Variants in SEM1 observed in about 807,000 individuals in gnomAD.
SEM1 encodes the protein 26S proteasome complex subunit SEM1.
Under a neutral mutation model 12.7 loss-of-function variants are expected in SEM1, and 3 were observed. That is an observed-to-expected ratio of 0.24 (90% CI 0.11 to 0.61). The LOEUF (loss-of-function observed/expected upper bound fraction) is 0.61. SEM1 is among the 20% of genes least tolerant of loss of function. SEM1 has a pLI of 0.88. For synonymous variants in SEM1, 30 were observed against 27.8 expected (o/e 1.08, Z -0.25); for missense variants, 59 against 81.3 (o/e 0.73, Z 1.06).
chr7:96,550,000 T>C (rs769187704), intron 2 of SEM1, among the ~76,000 whole-genome samples: 29 of 152,180 alleles, frequency 1.9e-4, no homozygotes, highest in Non-Finnish European at 4.1e-4. Context: ...TGGTCACTAT[T>C]TAAAGAACAT....
intron 1 of SEM1, among the ~76,000 whole-genome samples, chr7:96,707,029 T>C (rs1035745445): frequency 5.3e-5 from 8 of 152,218 alleles, no homozygotes; most frequent in East Asian, 3.8e-4. Flanking sequence ...TACCAAAAGA[T>C]TGAAAATAGG....
At chr7:96,631,368 G>A (rs961938404) in intron 2 of SEM1, among the ~76,000 whole-genome samples, 1 of 152,090 alleles carries the variant, frequency 6.6e-6, no homozygotes, top group Admixed American at 6.6e-5. Flanking sequence ...CATCAGTTAA[G>A]TTTCATCCAG....
intron 2 of SEM1, among the ~76,000 whole-genome samples, chr7:96,540,545 T>C (rs1202055904): frequency 2.6e-5 from 4 of 151,812 alleles, no homozygotes; most frequent in Admixed American, 2.6e-4. Context: ...AGGTGACAGA[T>C]AATGATAGAT....
At chr7:96,690,334 T>C (rs975430148) in intron 2 of SEM1, among the ~76,000 whole-genome samples, 1 of 152,188 alleles carries the variant, frequency 6.6e-6, no homozygotes, top group Non-Finnish European at 1.5e-5. Flanking sequence ...TTGTGTCTAT[T>C]GGCTTTCCTA....
intron 2 of SEM1, among the ~76,000 whole-genome samples, chr7:96,655,656 CATG>C (rs1809157054): frequency 6.6e-6 from 1 of 152,086 alleles, no homozygotes. Flanking sequence ...ACACCATTAT[CATG>C]ATAATGAACA....
At chr7:96,686,996 A>G (rs1447940402), downstream of SEM1, among the ~76,000 whole-genome samples, 2 of 152,228 alleles carry the variant, frequency 1.3e-5, no homozygotes, top group African/African-American at 4.8e-5. Context: ...GACACTTCTC[A>G]AAAGAAGACA....
Position 96,517,247 on chromosome 7 carries a change from A to G in SEM1, c.171-10549T>C, listed in dbSNP as rs189618570. Among the ~76,000 whole-genome samples the G allele has an allele frequency of 1.6e-3, 243 of 152,254 alleles. 4 individuals are homozygous for G. Among genetic ancestry groups the G allele is most frequent in the Admixed American group, 3.9e-4 (6 of 15,282 alleles). On this transcript the variant is annotated intron_variant and NMD_transcript_variant, in intron 2 of 3. Coordinates refer to the SEM1 transcript ENST00000466986. ...ACTTTGAGTGATAAAGTGTCAGTGT[A>G]GATTCATCAGTTGTAACAAATGTAC...
intron 2 of SEM1, among the ~76,000 whole-genome samples, chr7:96,624,306 T>C (rs182862105): frequency 1.4e-3 from 206 of 152,296 alleles, no homozygotes; most frequent in Middle Eastern, 0.01. Flanking sequence ...GGGAGTACAT[T>C]GTATTAGTCT....
downstream of SEM1, chr7:96,688,100 T>TA (rs1351759791): frequency 1.3e-5 from 2 of 152,180 alleles, no homozygotes; most frequent in Non-Finnish European, 2.9e-5. Context: ...AAAATATTCC[T>TA]AAAAAATACC....
At chr7:96,595,808 G>A (rs1189646745) in intron 2 of SEM1, among the ~76,000 whole-genome samples, 2 of 152,140 alleles carry the variant, frequency 1.3e-5, no homozygotes, top group East Asian at 1.9e-4. Context: ...CTTGTAATGA[G>A]CTTCAGACTC....
chr7:96,620,553 T>G (rs999024692), downstream of SEM1, among the ~76,000 whole-genome samples: 2 of 152,152 alleles, frequency 1.3e-5, no homozygotes, highest in African/African-American at 4.8e-5. Context: ...TAGCCAAGAT[T>G]GTAAAAACCC....
intron 2 of SEM1, among the ~76,000 whole-genome samples, chr7:96,551,245 T>C (rs531770881): frequency 1.3e-5 from 2 of 152,290 alleles, no homozygotes; most frequent in East Asian, 3.9e-4. Flanking sequence ...ATAGGTTGAA[T>C]GGTGCACCCT....
chr7:96,628,695 C>G (rs902696527), intron 2 of SEM1, among the ~76,000 whole-genome samples: 1 of 152,060 alleles, frequency 6.6e-6, no homozygotes, highest in African/African-American at 2.4e-5. Flanking sequence ...TACAGTGTTA[C>G]AATATTCTTT....
chr7:96,555,558 T>C (rs1384813020), intron 2 of SEM1, among the ~76,000 whole-genome samples: 1 of 133,106 alleles, frequency 7.5e-6, no homozygotes, highest in East Asian at 2.3e-4. Context: ...TGAGAGATAG[T>C]TTGTTATAAT....
intron 2 of SEM1, among the ~76,000 whole-genome samples, chr7:96,641,141 C>T (rs1353509330): frequency 3.4e-5 from 5 of 145,364 alleles, no homozygotes; most frequent in Non-Finnish European, 6.0e-5. Context: ...AATAGGGAGC[C>T]GAAAAAAAAT....
downstream of SEM1, among the ~76,000 whole-genome samples, chr7:96,618,326 G>GT (rs1044069963): frequency 3.3e-5 from 5 of 152,010 alleles, no homozygotes; most frequent in Non-Finnish European, 7.4e-5. Context: ...CTTAAAATTC[G>GT]TTTTTTCACT....
At chr7:96,674,413 A>G (rs569673157) in intron 2 of SEM1, among the ~76,000 whole-genome samples, 21 of 152,210 alleles carry the variant, frequency 1.4e-4, no homozygotes, top group Non-Finnish European at 2.2e-4. Flanking sequence ...CAGTGCTTTA[A>G]GAGGCCTAGG....
chr7:96,582,240 T>C (rs1419485471), intron 2 of SEM1, among the ~76,000 whole-genome samples: 1 of 149,726 alleles, frequency 6.7e-6, no homozygotes, highest in Non-Finnish European at 1.5e-5. Flanking sequence ...CATGTGGTTT[T>C]TGTCTTTGGT....
chr7:96,484,060 A>C, intron 3 of SEM1: 1 of 1,330,866 alleles, frequency 7.5e-7, no homozygotes, highest in Non-Finnish European at 1.0e-6. Flanking sequence ...TAACTTATTC[A>C]ATCTTCACAA....
Sources: allele counts gnomAD v4.1 joint callset (sites outside exome capture counted in the v4.1 genomes callset), GRCh38; gene constraint gnomAD v4.1.1; transcripts MANE v1.5; gene names NCBI Gene and HGNC (gene_info 2026-07-23, HGNC 2026-07-21).